The following CCDC148 variants were observed in gnomAD, a reference collection of about 807,000 sequenced individuals.
The protein encoded by CCDC148 is coiled-coil domain-containing protein 148.
Under a neutral mutation model 85.7 loss-of-function variants are expected in CCDC148, and 89 were observed. The ratio of observed to expected loss-of-function variants is 1.04; its 90% CI spans 0.87 to 1.24. CCDC148 has a LOEUF of 1.24. CCDC148 is among the 50% of genes most tolerant of loss of function. The probability of loss-of-function intolerance (pLI) is 0.00; values close to 1 mark genes in which losing one functional copy is unlikely to be tolerated. For synonymous variants in CCDC148, 230 were observed against 213.9 expected, an observed-to-expected ratio of 1.08 and a Z score of -0.66; for missense variants, 692 against 671.7, an observed-to-expected ratio of 1.03 and a Z score of -0.33.
At chr2:158,258,325 T>C (rs1689090352) in intron 9 of CCDC148, among the ~76,000 whole-genome samples, 1 of 151,878 alleles carries the variant, frequency 6.6e-6, no homozygotes, top group African/African-American at 2.4e-5. Context: ...GGCTCTGTGA[T>C]AATAAAGACC....
chr2:158,360,312 C>G (rs1375937832), intron 1 of CCDC148, among the ~76,000 whole-genome samples: 1 of 152,258 alleles, frequency 6.6e-6, no homozygotes, highest in Non-Finnish European at 1.5e-5. Flanking sequence ...GCATAATGTT[C>G]GAGCTCTGCT....
At chr2:158,376,398 G>C (rs1328985014) in intron 1 of CCDC148, among the ~76,000 whole-genome samples, 2 of 152,012 alleles carry the variant, frequency 1.3e-5, no homozygotes, top group Admixed American at 1.3e-4. Context: ...TGAAGGATCA[G>C]TTATGCAAGG....
At chr2:158,199,985 G>T (rs1287755913) in intron 11 of CCDC148, among the ~76,000 whole-genome samples, 2 of 152,174 alleles carry the variant, frequency 1.3e-5, no homozygotes, top group Non-Finnish European at 2.9e-5. Context: ...AGCAGCTCAA[G>T]AGGGTTGAGA....
chr2:158,412,227 A>G (rs1207203616), intron 1 of CCDC148, among the ~76,000 whole-genome samples: 2 of 152,184 alleles, frequency 1.3e-5, no homozygotes, highest in Non-Finnish European at 2.9e-5. Flanking sequence ...TAACACAGGT[A>G]AAATGTTTCT....
At chr2:158,237,125 T>C (rs946208619) in intron 10 of CCDC148, among the ~76,000 whole-genome samples, 1 of 152,124 alleles carries the variant, frequency 6.6e-6, no homozygotes, top group African/African-American at 2.4e-5. Context: ...TGAGAGGACA[T>C]ATGCTCGAGT....
chr2:158,403,022 C>T (rs376357152), intron 1 of CCDC148, among the ~76,000 whole-genome samples: 4 of 151,878 alleles, frequency 2.6e-5, no homozygotes, highest in Non-Finnish European at 4.4e-5. Flanking sequence ...CCTCAAGCTA[C>T]GAAAAGAAAC....
chr2:158,438,314 A>C (rs1687764228), intron 1 of CCDC148, among the ~76,000 whole-genome samples: 1 of 152,212 alleles, frequency 6.6e-6, no homozygotes. Flanking sequence ...CCTCAGAAAT[A>C]ATGCCGCATA....
intron 9 of CCDC148, among the ~76,000 whole-genome samples, chr2:158,256,686 A>G (rs529681901): frequency 1.3e-5 from 2 of 151,894 alleles, no homozygotes; most frequent in African/African-American, 4.8e-5. Flanking sequence ...TGTTAAACAC[A>G]TGGTATGATG....
rs193012818 is a variant in CCDC148 at position 158,422,065 on chromosome 2, A to G, written c.25+34350T>C. On this transcript the variant is annotated intron_variant, in intron 1 of 13. Coordinates refer to ENST00000283233, the MANE Select transcript of CCDC148 (RefSeq NM_138803.4). The stretch of plus-strand genomic sequence containing the variant: ...GAGAAGTTGAATCCTTGAATAGACC[A>G]ATAACAGGCTCTGAAATTGAGGCAA... 3.6e-3 allele frequency among the ~76,000 whole-genome samples: 546 copies of G among 152,326 alleles called. 4 individuals are homozygous for G. The highest frequency in any genetic ancestry group is 0.013 in the African/African-American group (526 of 41,570).
Position 158,380,275 on chromosome 2 carries a change from T to C in CCDC148, c.26-21705A>G, listed in dbSNP as rs190101234. Among the ~76,000 whole-genome samples the C allele has an allele frequency of 7.2e-5, 11 of 152,228 alleles. No individual in the cohort carries two copies. The East Asian group carries it at 1.9e-3, about 27-fold the overall frequency. On this transcript the variant is annotated intron_variant, in intron 1 of 13. Coordinates refer to ENST00000283233, the MANE Select transcript of CCDC148 (RefSeq NM_138803.4). ...GGATTGGTTACATTAAATTATGAGA[T>C]ACCCATACAATGCAAGGTTTTAAGA... is the stretch of plus-strand genomic sequence containing the variant.
intron 11 of CCDC148, among the ~76,000 whole-genome samples, chr2:158,206,036 C>T (rs182444853): frequency 2.4e-4 from 37 of 152,144 alleles, no homozygotes; most frequent in Non-Finnish European, 4.4e-5. Context: ...ATTATGATAA[C>T]TATCATTTGT....
chr2:158,175,117 G>T (rs897975970), intron 13 of CCDC148, among the ~76,000 whole-genome samples: 1 of 151,916 alleles, frequency 6.6e-6, no homozygotes, highest in East Asian at 1.9e-4. Context: ...AGACATACTA[G>T]GAAAAAGCCT....
intron 1 of CCDC148, among the ~76,000 whole-genome samples, chr2:158,435,169 T>A (rs6437181): frequency 0.17 from 25,318 of 151,924 alleles, 2,266 homozygotes; most frequent in Middle Eastern, 0.21. Context: ...CCAAGACACA[T>A]AATTGTCAGA....
At chr2:158,454,557 G>A (rs903539609) in intron 1 of CCDC148, among the ~76,000 whole-genome samples, 6 of 152,222 alleles carry the variant, frequency 3.9e-5, no homozygotes, top group Non-Finnish European at 4.4e-5. Context: ...AGTAGAGTAC[G>A]AGGCAAGATC....
chr2:158,309,588 T>C lies in CCDC148; in HGVS notation c.955A>G (p.Asn319Asp). 1.2e-6 allele frequency: 2 copies of C among 1,614,024 alleles called. No homozygotes were observed. The highest frequency in any genetic ancestry group is 1.3e-5 in the African/African-American group (1 of 75,066). Residue 319 changes from asparagine to aspartate, a missense_variant, in exon 9 of 14, where the codon AAT becomes GAT. Transcript: ENST00000283233. ...DQYRFAIEQQ[N>D]ILISNWNKNK... ...TTATTCCAATTTGATATCAGGATATTTTGCTGCTCTATAGCAAAGCGATAT... is the reference window on the plus strand; with the variant it reads ...TTATTCCAATTTGATATCAGGATATCTTGCTGCTCTATAGCAAAGCGATAT...
intron 1 of CCDC148, among the ~76,000 whole-genome samples, chr2:158,435,649 G>A (rs1193142000): frequency 2.0e-5 from 3 of 152,134 alleles, no homozygotes; most frequent in African/African-American, 4.8e-5. Context: ...ATGTAAACAG[G>A]CTAAATGCTC....
chr2:158,182,668 T>G (rs1039300213), intron 11 of CCDC148, among the ~76,000 whole-genome samples: 1 of 152,122 alleles, frequency 6.6e-6, no homozygotes, highest in African/African-American at 2.4e-5. Flanking sequence ...CCTGAAGGAT[T>G]GGCCATGAAA....
At chr2:158,244,816 C>A (rs993380304) in intron 10 of CCDC148, among the ~76,000 whole-genome samples, 1 of 152,086 alleles carries the variant, frequency 6.6e-6, no homozygotes, top group Non-Finnish European at 1.5e-5. Context: ...AGTAGGGGAT[C>A]CTATAGCCCA....
intron 1 of CCDC148, among the ~76,000 whole-genome samples, chr2:158,360,392 A>C (rs1006557414): frequency 6.6e-6 from 1 of 152,120 alleles, no homozygotes; most frequent in African/African-American, 2.4e-5. Flanking sequence ...ACCTCCCAGC[A>C]GGGGCAGACA....
Sources: gnomAD v4.1 joint callset for allele counts (sites outside exome capture counted in the v4.1 genomes callset) on GRCh38, gnomAD v4.1.1 for gene constraint, MANE v1.5 for transcripts, NCBI Gene and HGNC (gene_info 2026-07-23, HGNC 2026-07-21) for gene names.